Variants in PHF21A observed in about 807,000 individuals in gnomAD.
The protein encoded by PHF21A is PHD finger protein 21A, also known as BHC80a.
PHF21A carries 11 observed loss-of-function variants against 82.5 expected under a neutral mutation model. The observed-to-expected ratio is 0.13, with a 90% CI of 0.08 to 0.22. The LOEUF is 0.22. PHF21A is among the 10% of genes least tolerant of loss of function. The probability of loss-of-function intolerance (pLI) is 1.00; values close to 1 mark genes in which losing one functional copy is unlikely to be tolerated. For synonymous variants in PHF21A, 297 were observed against 302.8 expected, an observed-to-expected ratio of 0.98 and a Z score of 0.20; for missense variants, 579 against 837.8, an observed-to-expected ratio of 0.69 and a Z score of 3.81.
chr11:45,997,576 AT>A (rs35879190), intron 6 of PHF21A, among the ~76,000 whole-genome samples: 18,339 of 152,094 alleles, frequency 0.12, 1,326 homozygotes, highest in African/African-American at 0.22. Flanking sequence ...GCCTAATAAC[AT>A]TTTTCATTTC....
chr11:45,968,645 C>G (rs1056737505), intron 9 of PHF21A, among the ~76,000 whole-genome samples: 1 of 151,964 alleles, frequency 6.6e-6, no homozygotes, highest in Non-Finnish European at 1.5e-5. Flanking sequence ...AATAGGCAGG[C>G]AGGCCGGGCG....
chr11:46,035,301 A>G (rs888505618), intron 6 of PHF21A, among the ~76,000 whole-genome samples: 1 of 152,162 alleles, frequency 6.6e-6, no homozygotes, highest in East Asian at 1.9e-4. Context: ...TATTATCTCT[A>G]TTATATTAAA....
At chr11:46,024,958 T>C (rs1224933751) in intron 6 of PHF21A, among the ~76,000 whole-genome samples, 1 of 152,184 alleles carries the variant, frequency 6.6e-6, no homozygotes, top group Non-Finnish European at 1.5e-5. Flanking sequence ...TCCCTTCCAA[T>C]AAATAATTTC....
intron 9 of PHF21A, among the ~76,000 whole-genome samples, chr11:45,966,631 T>G (rs2093450624): frequency 6.6e-6 from 1 of 152,188 alleles, no homozygotes; most frequent in Non-Finnish European, 1.5e-5. Context: ...TTGTTGTTTT[T>G]GTTGTTTGAG....
chr11:46,045,064 C>CAT (rs2096235390), intron 6 of PHF21A, among the ~76,000 whole-genome samples: 1 of 152,120 alleles, frequency 6.6e-6, no homozygotes, highest in South Asian at 2.1e-4. Flanking sequence ...AAACATACAG[C>CAT]AAAGTTCTTA....
At chr11:46,102,968 G>A (rs2097113636) in intron 1 of PHF21A, among the ~76,000 whole-genome samples, 1 of 152,198 alleles carries the variant, frequency 6.6e-6, no homozygotes, top group African/African-American at 2.4e-5. Context: ...GACGGAAAGA[G>A]ACCATCAAGA....
intron 6 of PHF21A, among the ~76,000 whole-genome samples, chr11:45,983,915 T>C (rs1200481368): frequency 6.6e-6 from 1 of 152,162 alleles, no homozygotes; most frequent in East Asian, 1.9e-4. Context: ...CCACAGGAGA[T>C]GAGCCTATAT....
At chr11:46,014,161 T>G (rs566718529) in intron 6 of PHF21A, among the ~76,000 whole-genome samples, 2 of 152,168 alleles carry the variant, frequency 1.3e-5, no homozygotes, top group Non-Finnish European at 2.9e-5. Flanking sequence ...CTTGCTCCCA[T>G]CCTTCCCTAC....
At chr11:46,076,876 T>C in intron 5 of PHF21A, 57 bp from the exon 6 acceptor site, 1 of 1,384,070 alleles carries the variant, frequency 7.2e-7, no homozygotes, top group Non-Finnish European at 1.0e-6. Context: ...AACAGAATAG[T>C]AGCAGGAAGA....
At chr11:46,070,053 C>T (rs2096638359) in intron 6 of PHF21A, among the ~76,000 whole-genome samples, 1 of 152,138 alleles carries the variant, frequency 6.6e-6, no homozygotes. Context: ...AAGTCTATTA[C>T]AGAGTCAGGA....
rs1486467827 is a variant in PHF21A, at chr11:46,014,991, A to AT, written c.154-35026_154-35025insA. Among the ~76,000 whole-genome samples the AT allele has an allele frequency of 3.4e-4, 16 of 46,644 alleles. 2 individuals are homozygous for AT. Among genetic ancestry groups the AT allele is most frequent in the Non-Finnish European group, 5.1e-4 (15 of 29,630 alleles). The allele number at this position is 46,644 out of a possible 152,430, so 30.6% of individuals were successfully genotyped here. ...CGAGACTCCGTCTCAAAAAAAAAAA[A>AT]AAATAAAAATAAAAAAATAAAAAAA... On this transcript the variant is annotated intron_variant, in intron 6 of 18. Coordinates refer to ENST00000676320, the MANE Select transcript of PHF21A (RefSeq NM_001352027.3).
chr11:46,027,233 C>T (rs1325483880), intron 6 of PHF21A, among the ~76,000 whole-genome samples: 1 of 152,186 alleles, frequency 6.6e-6, no homozygotes, highest in East Asian at 1.9e-4. Flanking sequence ...CAAGTTTTCT[C>T]CGTGCTAACA....
At chr11:46,068,818 T>C (rs1045008165) in intron 6 of PHF21A, among the ~76,000 whole-genome samples, 1 of 152,206 alleles carries the variant, frequency 6.6e-6, no homozygotes, top group Non-Finnish European at 1.5e-5. Context: ...TAGGATAAAC[T>C]TACAAGAGGA....
chr11:46,042,468 C>T (rs569967615), intron 6 of PHF21A, among the ~76,000 whole-genome samples: 2 of 152,144 alleles, frequency 1.3e-5, no homozygotes, highest in East Asian at 3.9e-4. Flanking sequence ...TAAGACTGGA[C>T]TAAAATCACT....
chr11:46,050,735 A>C (rs7114506), intron 6 of PHF21A, among the ~76,000 whole-genome samples: 81,082 of 152,110 alleles, frequency 0.53, 25,215 homozygotes, highest in Non-Finnish European at 0.7. Flanking sequence ...GGAATTAATA[A>C]GATTTTTAAA....
chr11:45,942,907 A>G (rs1442284089), intron 15 of PHF21A, among the ~76,000 whole-genome samples: 1 of 152,034 alleles, frequency 6.6e-6, no homozygotes, highest in Admixed American at 6.6e-5. Flanking sequence ...GAAACTCTTT[A>G]TTTCCCTCCT....
intron 1 of PHF21A, among the ~76,000 whole-genome samples, chr11:46,104,700 A>C (rs182788459): frequency 5.3e-5 from 8 of 152,312 alleles, no homozygotes; most frequent in Non-Finnish European, 8.8e-5. Flanking sequence ...AGCTATCATG[A>C]TTGAGTGTCT....
chr11:45,992,432 C>T (rs1362349987), intron 6 of PHF21A, among the ~76,000 whole-genome samples: 2 of 151,740 alleles, frequency 1.3e-5, no homozygotes, highest in Non-Finnish European at 1.5e-5. Flanking sequence ...CCCAGCTACT[C>T]GGGAGGCTGA....
At chr11:45,974,920 G>A (rs2093954393) in intron 7 of PHF21A, among the ~76,000 whole-genome samples, 1 of 152,100 alleles carries the variant, frequency 6.6e-6, no homozygotes, top group South Asian at 2.1e-4. Context: ...AGAAATACAT[G>A]GCATGGCAAA....
Sources: gnomAD v4.1 joint callset for allele counts (sites outside exome capture counted in the v4.1 genomes callset) on GRCh38, gnomAD v4.1.1 for gene constraint, MANE v1.5 for transcripts, NCBI Gene and HGNC (gene_info 2026-07-23, HGNC 2026-07-21) for gene names.